The following CDH12 variants were observed in gnomAD, a reference collection of about 807,000 sequenced individuals.
CDH12 encodes the protein cadherin 12.
CDH12 carries 41 observed loss-of-function variants against 74.1 expected under a neutral mutation model. That is an observed-to-expected ratio of 0.55 (90% CI 0.43 to 0.72). The LOEUF (loss-of-function observed/expected upper bound fraction) is 0.72, where lower values mean the gene tolerates loss of function less well. Among genes scored for constraint, CDH12 ranks in the 30% least tolerant of loss-of-function variants. The pLI, the probability that CDH12 is intolerant of heterozygous loss-of-function variation, is 0.00. For missense variants in CDH12, 945 were observed against 977.2 expected, an observed-to-expected ratio of 0.97 and a Z score of 0.44; for synonymous variants, 399 against 355.0, an observed-to-expected ratio of 1.12 and a Z score of -1.39.
At chr5:22,525,153 G>T (rs1043559613) in intron 1 of CDH12, among the ~76,000 whole-genome samples, 2 of 152,058 alleles carry the variant, frequency 1.3e-5, no homozygotes, top group African/African-American at 4.8e-5. Flanking sequence ...CATGTTTTAT[G>T]GCTGCATAGT....
At chr5:22,084,910 GTGT>G (rs1719474995) in intron 4 of CDH12, among the ~76,000 whole-genome samples, 2 of 152,136 alleles carry the variant, frequency 1.3e-5, no homozygotes, top group African/African-American at 4.8e-5. Context: ...AGCACCAATG[GTGT>G]TGTTATAAAA....
At chr5:22,667,116 TTG>T (rs1334552072) in intron 1 of CDH12, among the ~76,000 whole-genome samples, 6 of 152,214 alleles carry the variant, frequency 3.9e-5, no homozygotes, top group Admixed American at 3.9e-4. Context: ...AGCACTTTCT[TTG>T]TGAACACAGA....
intron 2 of CDH12, among the ~76,000 whole-genome samples, chr5:22,419,204 G>A (rs776642765): frequency 4.6e-5 from 7 of 152,078 alleles, no homozygotes; most frequent in African/African-American, 1.4e-4. Flanking sequence ...TTGTTACACC[G>A]GTAAACACGG....
rs775313401 is a variant in CDH12 at position 21,801,333 on chromosome 5, A to G, written c.1256+834T>C. 2.6e-5 allele frequency among the ~76,000 whole-genome samples: 4 copies of G among 152,174 alleles called. No individual in the cohort carries two copies. The East Asian group carries it at 5.8e-4, about 22-fold the overall frequency. On this transcript the variant is annotated intron_variant, in intron 10 of 14. Coordinates refer to ENST00000382254, the MANE Select transcript of CDH12 (RefSeq NM_004061.5). ...AATATTTTCTTATTTTGGTTCTTGC[A>G]TAGTAAGCTTCTTTCGGGACAGAAG...
chr5:22,492,472 C>T (rs970350077), intron 2 of CDH12, among the ~76,000 whole-genome samples: 3 of 151,828 alleles, frequency 2.0e-5, no homozygotes, highest in Admixed American at 6.6e-5. Context: ...CTCAACCTCC[C>T]GAGTAGCTGG....
chr5:22,772,041 C>T (rs537249847), intron 1 of CDH12, among the ~76,000 whole-genome samples: 42 of 151,926 alleles, frequency 2.8e-4, no homozygotes, highest in African/African-American at 8.4e-4. Context: ...TAAATCACCC[C>T]GATCTAACAT....
chr5:22,245,611 A>G (rs1752918596), intron 3 of CDH12, among the ~76,000 whole-genome samples: 1 of 151,972 alleles, frequency 6.6e-6, no homozygotes. Flanking sequence ...ACAGACTTAA[A>G]TATATATGTG....
chr5:22,781,679 A>G (rs748821789), intron 1 of CDH12, among the ~76,000 whole-genome samples: 116 of 152,282 alleles, frequency 7.6e-4, no homozygotes, highest in Non-Finnish European at 1.3e-3. Context: ...AGTCCAGAGT[A>G]ACTGAATCTA....
intron 2 of CDH12, among the ~76,000 whole-genome samples, chr5:22,434,421 C>A (rs985932995): frequency 1.3e-5 from 2 of 152,004 alleles, no homozygotes; most frequent in Non-Finnish European, 2.9e-5. Flanking sequence ...TTTTTCTTGT[C>A]CAAATTTTCC....
intron 2 of CDH12, among the ~76,000 whole-genome samples, chr5:22,417,615 G>C (rs910997832): frequency 1.3e-5 from 2 of 152,056 alleles, no homozygotes; most frequent in Non-Finnish European, 2.9e-5. Context: ...TGTTATAGTG[G>C]CACCAAACAA....
At chr5:22,369,991 A>G (rs1485793077) in intron 3 of CDH12, among the ~76,000 whole-genome samples, 1 of 152,076 alleles carries the variant, frequency 6.6e-6, no homozygotes, top group African/African-American at 2.4e-5. Flanking sequence ...GGCAATATAC[A>G]TGTTTTATGT....
intron 1 of CDH12, among the ~76,000 whole-genome samples, chr5:22,723,973 G>C (rs1744029962): frequency 6.6e-6 from 1 of 151,748 alleles, no homozygotes; most frequent in Non-Finnish European, 1.5e-5. Flanking sequence ...TCAACAACTT[G>C]ATTAATACGT....
intron 1 of CDH12, among the ~76,000 whole-genome samples, chr5:22,818,938 A>G (rs1296023823): frequency 6.6e-6 from 1 of 152,150 alleles, no homozygotes; most frequent in Non-Finnish European, 1.5e-5. Context: ...GATGTAAATA[A>G]TATGTGTTTT....
At chr5:22,550,161 T>G (rs753630956) in intron 1 of CDH12, among the ~76,000 whole-genome samples, 1 of 152,226 alleles carries the variant, frequency 6.6e-6, no homozygotes, top group Non-Finnish European at 1.5e-5. Flanking sequence ...TCTCATTTCC[T>G]GATTTCTCCT....
chr5:21,890,947 A>G (rs1289674583), intron 6 of CDH12, among the ~76,000 whole-genome samples: 1 of 152,098 alleles, frequency 6.6e-6, no homozygotes, highest in Non-Finnish European at 1.5e-5. Flanking sequence ...CAACTGGCAT[A>G]CAGGTTGTCA....
chr5:22,475,235 G>A (rs1347000042), intron 2 of CDH12, among the ~76,000 whole-genome samples: 1 of 151,658 alleles, frequency 6.6e-6, no homozygotes, highest in East Asian at 1.9e-4. Context: ...AAATGATCTA[G>A]AATGATTGTA....
chr5:21,831,214 T>C (rs1323522346), intron 8 of CDH12, among the ~76,000 whole-genome samples: 5 of 152,120 alleles, frequency 3.3e-5, no homozygotes, highest in Non-Finnish European at 5.9e-5. Flanking sequence ...ACAATTCTGA[T>C]GTTGGGAGCA....
intron 6 of CDH12, among the ~76,000 whole-genome samples, chr5:21,920,602 A>G (rs1192250621): frequency 6.6e-6 from 1 of 151,308 alleles, no homozygotes; most frequent in Non-Finnish European, 1.5e-5. Flanking sequence ...GGTGCAGCAA[A>G]CCACCATGGC....
chr5:22,348,893 G>C (rs1342529348), intron 3 of CDH12, among the ~76,000 whole-genome samples: 5 of 152,166 alleles, frequency 3.3e-5, no homozygotes, highest in African/African-American at 9.7e-5. Context: ...CTGGCATATA[G>C]AGCAGGCATT....
Sources: gnomAD v4.1 joint callset for allele counts (sites outside exome capture counted in the v4.1 genomes callset) on GRCh38, gnomAD v4.1.1 for gene constraint, MANE v1.5 for transcripts, NCBI Gene and HGNC (gene_info 2026-07-23, HGNC 2026-07-21) for gene names.